The following AHI1 variants were observed in gnomAD, a reference collection of about 807,000 sequenced individuals.
The protein encoded by AHI1 is jouberin.
AHI1 carries 123 observed loss-of-function variants against 149.3 expected under a neutral mutation model. That is an observed-to-expected ratio of 0.82 (90% CI 0.71 to 0.96). AHI1 has a LOEUF of 0.96. Among genes scored for constraint, AHI1 ranks in the 40% least tolerant of loss-of-function variants. The pLI, the probability that AHI1 is intolerant of heterozygous loss-of-function variation, is 0.00. For synonymous variants in AHI1, 475 were observed against 459.8 expected (o/e 1.03, Z -0.42); for missense variants, 1,439 against 1,422.7 (o/e 1.01, Z -0.18).
At chr6:135,308,301 T>C (rs928058242) in intron 26 of AHI1, among the ~76,000 whole-genome samples, 4 of 152,174 alleles carry the variant, frequency 2.6e-5, no homozygotes, top group Non-Finnish European at 5.9e-5. Flanking sequence ...AGTAGCACGA[T>C]CACTGTTCAC....
chr6:135,478,771 G>C (rs1001513603), intron 5 of AHI1, among the ~76,000 whole-genome samples: 2 of 152,222 alleles, frequency 1.3e-5, no homozygotes, highest in African/African-American at 4.8e-5. Flanking sequence ...TCATTTCAGA[G>C]ACCTCCACAG....
At chr6:135,400,348 G>C (rs928517528) in intron 22 of AHI1, among the ~76,000 whole-genome samples, 8 of 151,768 alleles carry the variant, frequency 5.3e-5, no homozygotes, top group African/African-American at 1.9e-4. Context: ...AGGTGGATTC[G>C]ACTACAATAT....
At chr6:135,338,922 C>T (rs377609126) in intron 24 of AHI1, among the ~76,000 whole-genome samples, 34 of 150,578 alleles carry the variant, frequency 2.3e-4, no homozygotes, top group East Asian at 1.8e-3. Context: ...CAGAGCTCAT[C>T]TTTCCTTTTT....
chr6:135,312,088 C>T (rs1050802708), intron 26 of AHI1, among the ~76,000 whole-genome samples: 1 of 152,164 alleles, frequency 6.6e-6, no homozygotes, highest in African/African-American at 2.4e-5. Flanking sequence ...GCTTCTTATT[C>T]TATAGCTTGA....
At chr6:135,481,705 CTTT>C (rs147878972) in intron 5 of AHI1, among the ~76,000 whole-genome samples, 1 of 139,716 alleles carries the variant, frequency 7.2e-6, no homozygotes, top group African/African-American at 2.6e-5. Flanking sequence ...TATTGTTGTC[CTTT>C]TTTTTTTTTA....
chr6:135,380,043 CCTCT>C (rs752700411), intron 23 of AHI1, among the ~76,000 whole-genome samples: 35 of 146,686 alleles, frequency 2.4e-4, no homozygotes, highest in East Asian at 2.0e-3. Flanking sequence ...TCCCTCCCTC[CCTCT>C]CTTTCTTCTT....
intron 24 of AHI1, among the ~76,000 whole-genome samples, chr6:135,354,630 T>A (rs1486781348): frequency 6.6e-6 from 1 of 152,194 alleles, no homozygotes; most frequent in Non-Finnish European, 1.5e-5. Context: ...CTTTTAGGGT[T>A]CAGACAATAA....
intron 5 of AHI1, among the ~76,000 whole-genome samples, chr6:135,486,274 T>C (rs1794458435): frequency 6.6e-6 from 1 of 152,188 alleles, no homozygotes. Context: ...ATCGAAATCA[T>C]ACATAATATA....
intron 27 of AHI1, 118 bp from the exon 28 acceptor site, chr6:135,290,643 G>C: frequency 1.1e-6 from 1 of 920,720 alleles, no homozygotes; most frequent in South Asian, 1.5e-5. Flanking sequence ...TAAATGTGAG[G>C]ATATGACAGA....
At position 135,448,399 on chromosome 6, in the gene AHI1, C is replaced by A; in HGVS notation, c.1517G>T (p.Arg506Leu). 1.2e-6 allele frequency: 2 copies of A among 1,606,128 alleles called. No homozygotes were observed. Among genetic ancestry groups the A allele is most frequent in the Non-Finnish European group, 1.7e-6 (2 of 1,174,838 alleles). ...LQLYYPPTKP[R>L]SPLSVVEAFE... ...TGCCTCAACAACACTTAATGGGGAT[C>A]GAGGCTTAGTAGGTGGGTAATATAG... The change falls in exon 12 of 29, where the codon CGA becomes CTA. Residue 506 changes from arginine (R) to leucine (L), a missense_variant. Arg to Leu is a moderately radical substitution (Grantham distance 102, BLOSUM62 -2). Coordinates refer to ENST00000265602, the MANE Select transcript of AHI1 (RefSeq NM_001134831.2).
At chr6:135,365,361 G>A (rs1209936414) in intron 23 of AHI1, among the ~76,000 whole-genome samples, 3 of 152,248 alleles carry the variant, frequency 2.0e-5, no homozygotes, top group African/African-American at 7.2e-5. Flanking sequence ...GTGGTATTTT[G>A]ATGGAAATTG....
At chr6:135,302,356 T>C (rs955993076) in intron 26 of AHI1, 3 of 990,108 alleles carry the variant, frequency 3.0e-6, no homozygotes, top group Admixed American at 5.8e-5. Flanking sequence ...TATATACCAG[T>C]GTTAAGCCAA....
rs138502666 is a variant in AHI1, at chr6:135,456,375, T to C, written c.1152-449A>G. On this transcript the variant is annotated intron_variant, in intron 9 of 28. Transcript: ENST00000265602. ...GGGTAACATGATGAAACCTCGTTTC[T>C]ACAAAAAATAGAAAAAAAGTTAGCT... 4.3e-3 allele frequency among the ~76,000 whole-genome samples: 657 copies of C among 152,044 alleles called. 5 individuals carry two copies. The highest frequency in any genetic ancestry group is 0.015 in the African/African-American group (630 of 41,480).
chr6:135,327,727 AG>A (rs1165856199), intron 24 of AHI1, among the ~76,000 whole-genome samples: 1 of 152,036 alleles, frequency 6.6e-6, no homozygotes, highest in Non-Finnish European at 1.5e-5. Flanking sequence ...GAGCAATCAG[AG>A]GGTCCTTCCC....
intron 23 of AHI1, among the ~76,000 whole-genome samples, chr6:135,383,034 T>G (rs1029917616): frequency 4.2e-5 from 6 of 144,356 alleles, no homozygotes; most frequent in Admixed American, 3.5e-4. Context: ...AAATGAACAC[T>G]GATGTGAAAT....
intron 5 of AHI1, among the ~76,000 whole-genome samples, chr6:135,470,020 T>G (rs1168137131): frequency 6.6e-6 from 1 of 152,154 alleles, no homozygotes; most frequent in East Asian, 1.9e-4. Flanking sequence ...ATCATCAGAA[T>G]GAACAGACAA....
chr6:135,433,465 T>C (rs982723345), intron 15 of AHI1, among the ~76,000 whole-genome samples: 3 of 152,184 alleles, frequency 2.0e-5, no homozygotes, highest in Non-Finnish European at 4.4e-5. Context: ...TTTGTTATAG[T>C]TATTATCCAG....
At chr6:135,453,288 C>A in intron 11 of AHI1, 53 bp downstream of exon 11, 1 of 1,372,260 alleles carries the variant, frequency 7.3e-7, no homozygotes, top group Admixed American at 2.0e-5. Context: ...AGAAAGCAGC[C>A]AACTAAATTT....
At chr6:135,472,542 A>G (rs1791914352) in intron 5 of AHI1, among the ~76,000 whole-genome samples, 1 of 152,226 alleles carries the variant, frequency 6.6e-6, no homozygotes, top group African/African-American at 2.4e-5. Flanking sequence ...TGGTAAACAG[A>G]TATTTAACTT....
Sources: gnomAD v4.1 joint callset for allele counts (sites outside exome capture counted in the v4.1 genomes callset) on GRCh38, gnomAD v4.1.1 for gene constraint, MANE v1.5 for transcripts, NCBI Gene and HGNC (gene_info 2026-07-23, HGNC 2026-07-21) for gene names.